SEMA6D: variants seen among roughly 807,000 people sequenced by gnomAD.
The protein encoded by SEMA6D is semaphorin-6D.
Under a neutral mutation model 106.6 loss-of-function variants are expected in SEMA6D, and 35 were observed. The ratio of observed to expected loss-of-function variants is 0.33; its 90% CI spans 0.25 to 0.44. The LOEUF (loss-of-function observed/expected upper bound fraction) is 0.44, where lower values mean the gene tolerates loss of function less well. Ranked by LOEUF, SEMA6D falls within the 20% of genes least tolerant of loss-of-function variation. SEMA6D has a pLI of 1.00. For synonymous variants in SEMA6D, 499 were observed against 487.7 expected, an observed-to-expected ratio of 1.02 and a Z score of -0.31; for missense variants, 1,185 against 1,345.9, an observed-to-expected ratio of 0.88 and a Z score of 1.87.
chr15:47,268,583 C>T (rs1595587654), intron 1 of SEMA6D, among the ~76,000 whole-genome samples: 2 of 152,074 alleles, frequency 1.3e-5, no homozygotes, highest in Admixed American at 1.3e-4. Flanking sequence ...GGATGCATCC[C>T]ACCTCTGTGT....
At chr15:47,234,683 C>T (rs894726991) in intron 1 of SEMA6D, among the ~76,000 whole-genome samples, 6 of 152,120 alleles carry the variant, frequency 3.9e-5, no homozygotes, top group African/African-American at 1.2e-4. Context: ...TTAGTTCCTT[C>T]TTTTTGTGGC....
rs565674842 is a variant in SEMA6D, at chr15:47,189,164, T to C, written c.-239+4746T>C. Among the ~76,000 whole-genome samples, 8 of 152,258 alleles carry C rather than the reference T, an allele frequency of 5.3e-5. No homozygotes were observed. The South Asian group carries it at 1.7e-3, about 32-fold the overall frequency. Reference sequence around the variant, plus strand: ...ATACACTTCTCTTTCCCTTTCTCTTTCTCTTTTCCTCTCTTCTCTTTCTTG... The same window carrying C: ...ATACACTTCTCTTTCCCTTTCTCTTCCTCTTTTCCTCTCTTCTCTTTCTTG... On this transcript the variant is annotated intron_variant, in intron 1 of 19. Coordinates refer to the SEMA6D transcript ENST00000558014.
chr15:47,727,673 G>T (rs1348818490), intron 1 of SEMA6D, among the ~76,000 whole-genome samples: 1 of 120,694 alleles, frequency 8.3e-6, no homozygotes, highest in African/African-American at 3.2e-5. Context: ...AACCCCCCCA[G>T]TTTGCAAAGG....
intron 3 of SEMA6D, among the ~76,000 whole-genome samples, chr15:47,542,283 C>T (rs1301777121): frequency 1.3e-5 from 2 of 152,172 alleles, no homozygotes; most frequent in Non-Finnish European, 2.9e-5. Context: ...AGATTAAAAG[C>T]TAAGCCTGAG....
At chr15:47,766,512 C>A in intron 15 of SEMA6D, 104 bp from the exon 16 acceptor site, 1 of 936,864 alleles carries the variant, frequency 1.1e-6, no homozygotes, top group South Asian at 1.5e-5. Context: ...TCTCTCTCTG[C>A]CCATTCTTAC....
chr15:47,347,415 T>A (rs1306885400), intron 1 of SEMA6D, among the ~76,000 whole-genome samples: 1 of 152,206 alleles, frequency 6.6e-6, no homozygotes, highest in South Asian at 2.1e-4. Context: ...CAAATAACAA[T>A]TGAGACTATT....
intron 1 of SEMA6D, chr15:47,396,334 T>G (rs960995929): frequency 6.6e-6 from 1 of 151,968 alleles, no homozygotes; most frequent in African/African-American, 2.4e-5. Flanking sequence ...GGGAGTTTAT[T>G]AGGAGAATTG....
At chr15:47,659,462 A>G (rs1190196877) in intron 4 of SEMA6D, among the ~76,000 whole-genome samples, 1 of 151,966 alleles carries the variant, frequency 6.6e-6, no homozygotes, top group Non-Finnish European at 1.5e-5. Flanking sequence ...AGATATATGA[A>G]TCAAATGTTA....
At chr15:47,631,596 G>T (rs998755829) in intron 4 of SEMA6D, among the ~76,000 whole-genome samples, 1 of 151,616 alleles carries the variant, frequency 6.6e-6, no homozygotes, top group Admixed American at 6.6e-5. Context: ...GAAGGAGGGG[G>T]AAGATTTGGC....
intron 1 of SEMA6D, among the ~76,000 whole-genome samples, chr15:47,218,223 C>G (rs2141323867): frequency 6.6e-6 from 1 of 152,238 alleles, no homozygotes; most frequent in South Asian, 2.1e-4. Context: ...AGTTCAATGC[C>G]TGGACCCTAA....
chr15:47,415,475 G>C (rs990123320), intron 2 of SEMA6D, among the ~76,000 whole-genome samples: 7 of 152,000 alleles, frequency 4.6e-5, no homozygotes, highest in African/African-American at 1.7e-4. Context: ...TCCTACCACA[G>C]CAAACCCTGT....
chr15:47,352,872 G>GT (rs1241429607), intron 1 of SEMA6D, among the ~76,000 whole-genome samples: 4 of 152,202 alleles, frequency 2.6e-5, no homozygotes, highest in Non-Finnish European at 5.9e-5. Context: ...TGCCTATGCA[G>GT]TTAACATCAT....
chr15:47,769,310 A>G (rs1167353390), intron 18 of SEMA6D, among the ~76,000 whole-genome samples: 1 of 152,006 alleles, frequency 6.6e-6, no homozygotes, highest in Non-Finnish European at 1.5e-5. Flanking sequence ...TAAATATATT[A>G]CTCTAGGAAA....
intron 1 of SEMA6D, among the ~76,000 whole-genome samples, chr15:47,221,281 A>G (rs6493267): frequency 0.43 from 66,098 of 152,134 alleles, 15,322 homozygotes; most frequent in African/African-American, 0.58. Flanking sequence ...GCTCTTGCAG[A>G]GCAGGCCCTC....
chr15:47,577,363 T>C (rs1416016596), intron 3 of SEMA6D, among the ~76,000 whole-genome samples: 1 of 152,216 alleles, frequency 6.6e-6, no homozygotes, highest in African/African-American at 2.4e-5. Flanking sequence ...CTCAAATTTT[T>C]CCACAGCAGT....
At chr15:47,367,656 T>A (rs1009706997) in intron 1 of SEMA6D, among the ~76,000 whole-genome samples, 1 of 148,054 alleles carries the variant, frequency 6.8e-6, no homozygotes, top group African/African-American at 2.5e-5. Context: ...ATTCTCCCCT[T>A]CCCCTAAACA....
At position 47,772,346 on chromosome 15, in the gene SEMA6D, T is replaced by TTGTGTGTGTGTGTGTGTGTGTG. The variant is rs746420427; in HGVS notation, c.*571_*572insTGTGTGTGTGTGTGTGTGTGTG. 1 of 83,720 alleles carries TTGTGTGTGTGTGTGTGTGTGTG rather than the reference T, an allele frequency of 1.2e-5. No homozygotes were observed. Among genetic ancestry groups the TTGTGTGTGTGTGTGTGTGTGTG allele is most frequent in the African/African-American group, 5.7e-5 (1 of 17,648 alleles). The allele number at this position is 83,720 out of a possible 1,614,324, so 5.2% of individuals were successfully genotyped here. Reference sequence around the variant, plus strand: ...CTTTTTCATGCCACCAACAAACTTGTTGTGTGTGTGCGTGTGTGTGTGTGT... The same window carrying TTGTGTGTGTGTGTGTGTGTGTG: ...CTTTTTCATGCCACCAACAAACTTGTTGTGTGTGTGTGTGTGTGTGTGTGTGTGTGTGCGTGTGTGTGTGTGT... On this transcript the variant is annotated 3_prime_UTR_variant, in exon 19 of 19. Transcript: ENST00000536845.
intron 1 of SEMA6D, among the ~76,000 whole-genome samples, chr15:47,325,762 C>A (rs1477808064): frequency 6.6e-6 from 1 of 152,150 alleles, no homozygotes; most frequent in Non-Finnish European, 1.5e-5. Context: ...CCTCCAGTTG[C>A]TAAGTCATTA....
intron 4 of SEMA6D, among the ~76,000 whole-genome samples, chr15:47,648,181 G>C (rs181745357): frequency 1.3e-5 from 2 of 152,240 alleles, no homozygotes; most frequent in African/African-American, 4.8e-5. Flanking sequence ...ATTTTGCTAT[G>C]ATGTTGAGAA....
Sources: allele counts gnomAD v4.1 joint callset (sites outside exome capture counted in the v4.1 genomes callset), GRCh38; gene constraint gnomAD v4.1.1; transcripts MANE v1.5; gene names NCBI Gene and HGNC (gene_info 2026-07-23, HGNC 2026-07-21).